The following AKAP19 variants were observed in gnomAD, a reference collection of about 807,000 sequenced individuals.
The protein encoded by AKAP19 is A-kinase anchoring protein 19, also known as small A-kinase anchoring protein.
At chr2:190,073,856 G>T in the AKAP19 span, among the ~76,000 whole-genome samples, 10 of 151,858 alleles carry the variant, frequency 6.6e-5, no homozygotes, top group Non-Finnish European at 1.5e-5. Flanking sequence ...TTTGAGACCA[G>T]CCTGGCTAAC....
At chr2:190,030,847 G>A in the AKAP19 span, among the ~76,000 whole-genome samples, 93,173 of 152,056 alleles carry the variant, frequency 0.61, 32,225 homozygotes, top group East Asian at 0.83. Flanking sequence ...CATCATATAG[G>A]CAAGGTATGT....
the AKAP19 span, among the ~76,000 whole-genome samples, chr2:190,029,310 C>T: frequency 6.4e-4 from 97 of 152,128 alleles, no homozygotes; most frequent in Non-Finnish European, 1.1e-3. Flanking sequence ...CCTCGGCCTC[C>T]GAGAGTGCAG....
the AKAP19 span, among the ~76,000 whole-genome samples, chr2:189,928,324 A>G: frequency 6.6e-6 from 1 of 152,234 alleles, no homozygotes; most frequent in South Asian, 2.1e-4. Flanking sequence ...AGGTTCATTG[A>G]TCTATTTCCA....
chr2:190,062,136 T>A, the AKAP19 span: 1 of 1,428,208 alleles, frequency 7.0e-7, no homozygotes, highest in Non-Finnish European at 9.7e-7. Context: ...ACAGCTTGTT[T>A]AAAAGAGCCT....
the AKAP19 span, among the ~76,000 whole-genome samples, chr2:190,073,933 C>T: frequency 6.6e-6 from 1 of 151,896 alleles, no homozygotes; most frequent in African/African-American, 2.4e-5. Context: ...TGCCTGTAGT[C>T]CCAGCTACTC....
the AKAP19 span, among the ~76,000 whole-genome samples, chr2:190,119,650 C>T: frequency 6.6e-6 from 1 of 152,158 alleles, no homozygotes; most frequent in Admixed American, 6.5e-5. Context: ...TCATGCTAGA[C>T]AAGAGCTGCG....
chr2:189,888,195 T>G, the AKAP19 span, among the ~76,000 whole-genome samples: 1 of 152,218 alleles, frequency 6.6e-6, no homozygotes. Context: ...CCAAACACCA[T>G]TTTTTAAATA....
chr2:189,959,981 A>G, the AKAP19 span, among the ~76,000 whole-genome samples: 1 of 152,198 alleles, frequency 6.6e-6, no homozygotes, highest in African/African-American at 2.4e-5. Context: ...TTCTTTGTAT[A>G]GGGAAACACC....
the AKAP19 span, among the ~76,000 whole-genome samples, chr2:189,974,785 A>G: frequency 6.6e-6 from 1 of 152,146 alleles, no homozygotes; most frequent in African/African-American, 2.4e-5. Context: ...CTGTTTTATC[A>G]GAGACTAAGA....
the AKAP19 span, among the ~76,000 whole-genome samples, chr2:190,171,237 A>C: frequency 6.6e-6 from 1 of 152,132 alleles, no homozygotes; most frequent in Admixed American, 6.5e-5. Flanking sequence ...AAAAGTTAAA[A>C]AAAAAAACAA....
chr2:190,019,249 A>C, the AKAP19 span, among the ~76,000 whole-genome samples: 1 of 152,118 alleles, frequency 6.6e-6, no homozygotes, highest in Non-Finnish European at 1.5e-5. Flanking sequence ...GCCAAAATGC[A>C]CCATGGCAGT....
the AKAP19 span, among the ~76,000 whole-genome samples, chr2:190,033,020 T>C: frequency 6.6e-6 from 1 of 152,218 alleles, no homozygotes; most frequent in South Asian, 2.1e-4. Context: ...CGGTAGCAAG[T>C]GGAGGAAAAG....
the AKAP19 span, among the ~76,000 whole-genome samples, chr2:190,042,325 C>T: frequency 3.3e-5 from 5 of 151,992 alleles, no homozygotes; most frequent in East Asian, 9.6e-4. Context: ...GTAGTAGTTT[C>T]TGATGGTTGT....
At chr2:189,923,224 A>G in the AKAP19 span, 1 of 1,069,076 alleles carries the variant, frequency 9.4e-7, no homozygotes, top group Admixed American at 2.3e-5. Context: ...GCCGACCTCC[A>G]GCAGCAGTCG....
chr2:190,201,510 A>G, the AKAP19 span: 2 of 167,108 alleles, frequency 1.2e-5, no homozygotes, highest in African/African-American at 4.8e-5. Flanking sequence ...AGGTTAAAAA[A>G]AAGGCTTATG....
chr2:189,964,156 T>C, the AKAP19 span, among the ~76,000 whole-genome samples: 2 of 152,230 alleles, frequency 1.3e-5, no homozygotes, highest in Non-Finnish European at 2.9e-5. Context: ...GAAAGCAACA[T>C]TAAGTGCCTT....
chr2:190,160,450 T>G, the AKAP19 span, among the ~76,000 whole-genome samples: 1 of 152,192 alleles, frequency 6.6e-6, no homozygotes, highest in Non-Finnish European at 1.5e-5. Context: ...TTTATTGTTC[T>G]TATGAAAATT....
the AKAP19 span, among the ~76,000 whole-genome samples, chr2:189,949,726 G>A: frequency 6.7e-5 from 10 of 150,260 alleles, no homozygotes; most frequent in East Asian, 1.8e-3. Context: ...CCGCCTCCCG[G>A]GTTAAAGTGA....
At chr2:189,943,903 T>A in the AKAP19 span, among the ~76,000 whole-genome samples, 1 of 152,248 alleles carries the variant, frequency 6.6e-6, no homozygotes, top group Non-Finnish European at 1.5e-5. Context: ...AGAATGGGAA[T>A]GTTTACTCAG....
Sources: gnomAD v4.1 joint callset for allele counts (sites outside exome capture counted in the v4.1 genomes callset) on GRCh38, gnomAD v4.1.1 for gene constraint, MANE v1.5 for transcripts, NCBI Gene and HGNC (gene_info 2026-07-23, HGNC 2026-07-21) for gene names.